SLC25A24: variants seen among roughly 807,000 people sequenced by gnomAD.
SLC25A24 encodes solute carrier family 25 member 24, also known as mitochondrial adenyl nucleotide antiporter SLC25A24.
SLC25A24 carries 49 observed loss-of-function variants against 60.7 expected under a neutral mutation model. That is an observed-to-expected ratio of 0.81 (90% CI 0.64 to 1.02). The LOEUF (loss-of-function observed/expected upper bound fraction) is 1.02, where lower values mean the gene tolerates loss of function less well. Ranked by LOEUF, SLC25A24 falls within the 50% of genes least tolerant of loss-of-function variation. The probability of loss-of-function intolerance (pLI) is 0.00; values close to 1 mark genes in which losing one functional copy is unlikely to be tolerated. For missense variants in SLC25A24, 564 were observed against 586.3 expected (o/e 0.96, Z 0.39); for synonymous variants, 202 against 200.6 (o/e 1.01, Z -0.06).
intron 4 of SLC25A24, among the ~76,000 whole-genome samples, chr1:108,157,955 A>C (rs1239224769): frequency 6.6e-6 from 1 of 151,248 alleles, no homozygotes; most frequent in East Asian, 1.9e-4. Context: ...AATCTTTTTT[A>C]TTGCAACCAT....
intron 7 of SLC25A24, among the ~76,000 whole-genome samples, chr1:108,146,036 C>T (rs1679579799): frequency 6.6e-6 from 1 of 152,164 alleles, no homozygotes; most frequent in African/African-American, 2.4e-5. Flanking sequence ...TTGATTCTTC[C>T]TATCCATGAG....
intron 4 of SLC25A24, among the ~76,000 whole-genome samples, chr1:108,159,752 G>C (rs1054477951): frequency 3.3e-5 from 5 of 151,758 alleles, no homozygotes; most frequent in African/African-American, 1.2e-4. Context: ...AGTGGACACA[G>C]CACATGTTTC....
rs1272383979 is a variant in SLC25A24, at chr1:108,200,179, G to A, written c.-41C>T. The A allele has an allele frequency of 6.6e-7, 1 of 1,513,888 alleles. No individual in the cohort carries two copies. Among genetic ancestry groups the A allele is most frequent in the Middle Eastern group, 1.9e-4 (1 of 5,326 alleles). 93.8% of individuals were successfully genotyped at this position (1,513,888 alleles called of 1,614,324 possible). A position where few individuals can be genotyped will look rare whatever the true frequency, so the allele number is the denominator to read the frequency against. ...GGCGGCCTGGCCGAGGAAGTCACGG[G>A]AGATCGAGGGCTGCGGGGCGAGACC... On this transcript the variant is annotated 5_prime_UTR_variant, in exon 1 of 10. Transcript: ENST00000565488.
rs748289879 is a variant in SLC25A24, at chr1:108,185,817, G to C, written c.310+11C>G. On this transcript the variant is annotated intron_variant, in intron 2 of 9. Coordinates refer to ENST00000565488, the MANE Select transcript of SLC25A24 (RefSeq NM_013386.5). The stretch of plus-strand genomic sequence containing the variant: ...TTCATAGCTGGTGATAAATACAAAA[G>C]AAAGACACACCATCATTATTTTTGT... 1.8e-5 allele frequency: 28 copies of C among 1,578,188 alleles called. No individual in the cohort carries two copies. In the South Asian group the frequency reaches 2.4e-4, roughly 14 times the overall value.
At chr1:108,178,741 G>C (rs1647802563) in intron 3 of SLC25A24, among the ~76,000 whole-genome samples, 1 of 152,052 alleles carries the variant, frequency 6.6e-6, no homozygotes, top group Admixed American at 6.5e-5. Flanking sequence ...GGGAACCCGG[G>C]AGGCGGAGCT....
chr1:108,154,780 G>A (rs1679849199), intron 6 of SLC25A24, among the ~76,000 whole-genome samples: 1 of 151,984 alleles, frequency 6.6e-6, no homozygotes, highest in African/African-American at 2.4e-5. Flanking sequence ...ATAATATGAT[G>A]AATTAAGAAT....
At chr1:108,137,503 G>A (rs1007008122) in intron 9 of SLC25A24, among the ~76,000 whole-genome samples, 31 of 152,208 alleles carry the variant, frequency 2.0e-4, no homozygotes, top group African/African-American at 7.5e-4. Context: ...TACACAGAGA[G>A]TGAACAAAGT....
At chr1:108,149,364 T>C (rs985191350) in intron 6 of SLC25A24, among the ~76,000 whole-genome samples, 4 of 152,100 alleles carry the variant, frequency 2.6e-5, no homozygotes, top group Non-Finnish European at 4.4e-5. Flanking sequence ...CAGGCAGACC[T>C]GAGCTGGAAC....
At chr1:108,178,027 G>A (rs6704209) in intron 3 of SLC25A24, among the ~76,000 whole-genome samples, 76,332 of 151,834 alleles carry the variant, frequency 0.5, 19,672 homozygotes, top group African/African-American at 0.61. Flanking sequence ...GCTGGGCGTG[G>A]TGGCATGCGC....
chr1:108,160,968 AG>A (rs1460928910), intron 4 of SLC25A24, among the ~76,000 whole-genome samples: 2 of 151,154 alleles, frequency 1.3e-5, no homozygotes, highest in African/African-American at 2.4e-5. Context: ...GACCGTGGGG[AG>A]GGGGAGAGAG....
intron 3 of SLC25A24, among the ~76,000 whole-genome samples, chr1:108,168,641 G>A (rs1647320182): frequency 6.6e-6 from 1 of 152,134 alleles, no homozygotes; most frequent in African/African-American, 2.4e-5. Context: ...TGCTACTGCT[G>A]TTTCTTTCAC....
chr1:108,169,833 T>C (rs1380985431), intron 3 of SLC25A24, among the ~76,000 whole-genome samples: 1 of 152,226 alleles, frequency 6.6e-6, no homozygotes, highest in East Asian at 1.9e-4. Flanking sequence ...TGTTTTCAAA[T>C]TTATTGGCAT....
intron 3 of SLC25A24, among the ~76,000 whole-genome samples, chr1:108,166,911 T>A (rs1055917859): frequency 2.6e-5 from 4 of 151,852 alleles, no homozygotes; most frequent in Non-Finnish European, 5.9e-5. Flanking sequence ...TTTTTCCCCA[T>A]CTTTGTGGTT....
At chr1:108,190,885 C>A (rs1426136094) in intron 1 of SLC25A24, among the ~76,000 whole-genome samples, 1 of 138,314 alleles carries the variant, frequency 7.2e-6, no homozygotes, top group African/African-American at 2.5e-5. Flanking sequence ...TCTGGGGACA[C>A]CCCTCCCTTG....
intron 1 of SLC25A24, among the ~76,000 whole-genome samples, chr1:108,193,591 T>C (rs144109591): frequency 7.1e-6 from 1 of 140,058 alleles, no homozygotes; most frequent in African/African-American, 2.5e-5. Context: ...TGCTGATGGG[T>C]ACCTACATTG....
At chr1:108,183,356 T>C (rs1298419689) in intron 2 of SLC25A24, among the ~76,000 whole-genome samples, 2 of 152,224 alleles carry the variant, frequency 1.3e-5, no homozygotes, top group African/African-American at 4.8e-5. Flanking sequence ...CCTTTAGAAA[T>C]GCACTCTTAA....
chr1:108,179,336 CT>C (rs1647829185), intron 3 of SLC25A24, among the ~76,000 whole-genome samples: 2 of 152,032 alleles, frequency 1.3e-5, no homozygotes, highest in African/African-American at 4.8e-5. Flanking sequence ...TATGGAGTTC[CT>C]TTAAAAATTA....
chr1:108,173,522 T>C (rs1647556930), intron 3 of SLC25A24, among the ~76,000 whole-genome samples: 1 of 152,232 alleles, frequency 6.6e-6, no homozygotes, highest in African/African-American at 2.4e-5. Context: ...CAGGTGGTTC[T>C]TTATAGCAGC....
At chr1:108,147,787 G>A (rs557806780) in intron 7 of SLC25A24, among the ~76,000 whole-genome samples, 48 of 152,208 alleles carry the variant, frequency 3.2e-4, no homozygotes, top group African/African-American at 1.1e-3. Context: ...TTTGTCTCCG[G>A]TTATTAACAC....
Sources: allele counts gnomAD v4.1 joint callset (sites outside exome capture counted in the v4.1 genomes callset), GRCh38; gene constraint gnomAD v4.1.1; transcripts MANE v1.5; gene names NCBI Gene and HGNC (gene_info 2026-07-23, HGNC 2026-07-21).